TDRD7: variants seen among roughly 807,000 people sequenced by gnomAD.
TDRD7 encodes the protein tudor domain containing 7, also known as tudor domain-containing protein 7.
Under a neutral mutation model 109.8 loss-of-function variants are expected in TDRD7, and 47 were observed. The ratio of observed to expected loss-of-function variants is 0.43; its 90% CI spans 0.34 to 0.55. The LOEUF is 0.55. Among genes scored for constraint, TDRD7 ranks in the 20% least tolerant of loss-of-function variants. TDRD7 has a pLI of 0.03. For synonymous variants in TDRD7, 424 were observed against 457.3 expected (o/e 0.93, Z 0.93); for missense variants, 1,164 against 1,319.2 (o/e 0.88, Z 1.82).
chr9:97,458,111 A>AT (rs1245507762), intron 6 of TDRD7, among the ~76,000 whole-genome samples: 2 of 151,904 alleles, frequency 1.3e-5, no homozygotes, highest in Admixed American at 1.3e-4. Context: ...CATGTATCCC[A>AT]TTTTTTTTAG....
At chr9:97,454,037 C>A (rs935076963) in intron 6 of TDRD7, among the ~76,000 whole-genome samples, 1 of 152,180 alleles carries the variant, frequency 6.6e-6, no homozygotes, top group Non-Finnish European at 1.5e-5. Context: ...AGCTCTGGAT[C>A]AAGTGGACCT....
intron 1 of TDRD7, among the ~76,000 whole-genome samples, chr9:97,420,514 A>G (rs1326236295): frequency 6.6e-6 from 1 of 152,200 alleles, no homozygotes; most frequent in Non-Finnish European, 1.5e-5. Flanking sequence ...CTTTTCCAGA[A>G]TGTTCACATA....
chr9:97,427,179 A>G (rs1192468116), intron 1 of TDRD7, among the ~76,000 whole-genome samples: 1 of 152,154 alleles, frequency 6.6e-6, no homozygotes. Context: ...TTTCCAGGCT[A>G]CTTATTCTCT....
At chr9:97,430,275 T>C (rs985769088) in intron 2 of TDRD7, among the ~76,000 whole-genome samples, 3 of 152,228 alleles carry the variant, frequency 2.0e-5, no homozygotes, top group Admixed American at 6.5e-5. Flanking sequence ...GAGACCCTGC[T>C]TGCCCTGCCT....
chr9:97,494,093 G>A (rs1829352242), intron 16 of TDRD7, among the ~76,000 whole-genome samples: 1 of 152,200 alleles, frequency 6.6e-6, no homozygotes, highest in Admixed American at 6.5e-5. Flanking sequence ...ACAGGCATAG[G>A]AAATCACAAG....
chr9:97,487,304 C>A lies in TDRD7; in HGVS notation c.3048C>A (p.Pro1016=). The A allele has an allele frequency of 6.2e-7, 1 of 1,613,830 alleles. No homozygotes were observed. Among genetic ancestry groups the A allele is most frequent in the Non-Finnish European group, 8.5e-7 (1 of 1,179,806 alleles). ...TAGTGGACATGTTCCGAAAGCTGCC[C>A]TTCCAAGCAGTCACAGCTCAACTTG... is the stretch of plus-strand genomic sequence containing the variant. ...QPLVDMFRKL[P]FQAVTAQLAG... Residue 1016 remains proline, a synonymous_variant, in exon 16 of 17, where the codon CCC becomes CCA. Coordinates refer to ENST00000355295, the MANE Select transcript of TDRD7 (RefSeq NM_014290.3).
In TDRD7 at chr9:97,464,853, A is replaced by G; in HGVS notation, c.1454A>G (p.Lys485Arg). Reference protein sequence around the residue: ...TNEVVIRYVGKDYSAAQELME... With the variant: ...TNEVVIRYVGRDYSAAQELME... ...TTTAACTGATTCAGGTATGTGGGCA[A>G]AGACTATTCTGCTGCTCAGGAATTA... is the stretch of plus-strand genomic sequence containing the variant. The change falls in exon 8 of 17, where the codon AAA becomes AGA. Residue 485 changes from lysine (K) to arginine (R), a missense_variant. Lys to Arg is a conservative substitution (Grantham distance 26, BLOSUM62 2). Around this residue, in one of 5 missense-constraint regions of TDRD7, gnomAD observed 261 missense variants for 336.2 expected, o/e 0.78. Transcript: ENST00000355295. The G allele has an allele frequency of 6.2e-7, 1 of 1,614,170 alleles. No individual in the cohort carries two copies. The highest frequency in any genetic ancestry group is 8.5e-7 in the Non-Finnish European group (1 of 1,180,014).
chr9:97,478,476 A>G lies in TDRD7; in HGVS notation c.2204A>G (p.Gln735Arg), dbSNP rs1277645364. Residue 735 changes from glutamine to arginine, a missense_variant, in exon 13 of 17, where the codon CAG becomes CGG. Around this residue, in one of 5 missense-constraint regions of TDRD7, gnomAD observed 261 missense variants for 336.2 expected, o/e 0.78. Transcript: ENST00000355295. ...NVHSSRALDV[Q>R]FLDSGTVTSV... is the part of the protein sequence containing the mutation. Reference sequence around the variant, plus strand: ...CACAGCAGCCGGGCTCTTGATGTTCAGTTCCTGGACTCTGGCACTGTGACA... The same window carrying G: ...CACAGCAGCCGGGCTCTTGATGTTCGGTTCCTGGACTCTGGCACTGTGACA... 5.6e-6 allele frequency: 9 copies of G among 1,613,936 alleles called. No homozygotes were observed. The highest frequency in any genetic ancestry group is 6.8e-6 in the Non-Finnish European group (8 of 1,179,992).
intron 6 of TDRD7, among the ~76,000 whole-genome samples, chr9:97,446,017 A>G (rs1262990038): frequency 6.6e-6 from 1 of 152,108 alleles, no homozygotes; most frequent in Non-Finnish European, 1.5e-5. Flanking sequence ...TTGTAGTTCC[A>G]TCTGCTCAGG....
chr9:97,455,716 C>A (rs1828594516), intron 6 of TDRD7, among the ~76,000 whole-genome samples: 1 of 152,160 alleles, frequency 6.6e-6, no homozygotes, highest in African/African-American at 2.4e-5. Flanking sequence ...CAGCCAATAT[C>A]ATATTGAATG....
chr9:97,433,394 G>A (rs944334565), intron 4 of TDRD7, among the ~76,000 whole-genome samples: 6 of 151,916 alleles, frequency 3.9e-5, no homozygotes, highest in Admixed American at 6.6e-5. Context: ...CAAAGTGCTA[G>A]TTGAATCCAG....
At chr9:97,464,050 G>T (rs1047403030) in intron 7 of TDRD7, among the ~76,000 whole-genome samples, 1 of 152,160 alleles carries the variant, frequency 6.6e-6, no homozygotes, top group Non-Finnish European at 1.5e-5. Context: ...CCCAGCCCTA[G>T]TTAGGTTAAA....
intron 15 of TDRD7, among the ~76,000 whole-genome samples, chr9:97,486,777 A>G (rs2131181692): frequency 6.6e-6 from 1 of 152,232 alleles, no homozygotes; most frequent in Non-Finnish European, 1.5e-5. Flanking sequence ...TCGTCCAAGC[A>G]TGTACCATAT....
At chr9:97,467,062 C>A (rs1364850465) in intron 8 of TDRD7, among the ~76,000 whole-genome samples, 1 of 152,144 alleles carries the variant, frequency 6.6e-6, no homozygotes, top group Admixed American at 6.5e-5. Flanking sequence ...GGGTGTGTGC[C>A]TTTGGTCAAG....
intron 10 of TDRD7, among the ~76,000 whole-genome samples, chr9:97,472,781 A>G (rs1828945026): frequency 6.6e-6 from 1 of 152,194 alleles, no homozygotes; most frequent in African/African-American, 2.4e-5. Flanking sequence ...AAAAGAAGGG[A>G]AAATTGGGTC....
At chr9:97,449,107 C>G (rs986061432) in intron 6 of TDRD7, among the ~76,000 whole-genome samples, 1 of 152,176 alleles carries the variant, frequency 6.6e-6, no homozygotes, top group Non-Finnish European at 1.5e-5. Flanking sequence ...TCTGAACAAA[C>G]AGACTCCTGA....
rs1829151056 is a variant in TDRD7 at position 97,483,132 on chromosome 9, A to G, written c.2696A>G (p.Glu899Gly). ...GACCATACGAGCGCTTTCTCCACAGAGGAACTGCCACCTCCTGTCCACTTA... is the reference window on the plus strand; with the variant it reads ...GACCATACGAGCGCTTTCTCCACAGGGGAACTGCCACCTCCTGTCCACTTA... Reference protein sequence around the residue: ...MVDHTSAFSTEELPPPVHLSK... With the variant: ...MVDHTSAFSTGELPPPVHLSK... The change falls in exon 15 of 17, where the codon GAG becomes GGG. Residue 899 changes from glutamate to glycine, a missense_variant. Around this residue, in one of 5 missense-constraint regions of TDRD7, gnomAD observed 233 missense variants for 218.0 expected, o/e 1.07. Transcript: ENST00000355295. The G allele has an allele frequency of 6.2e-7, 1 of 1,614,070 alleles. No homozygotes were observed. Among genetic ancestry groups the G allele is most frequent in the Non-Finnish European group, 8.5e-7 (1 of 1,180,034 alleles).
intron 12 of TDRD7, among the ~76,000 whole-genome samples, chr9:97,477,717 C>G (rs1829046453): frequency 6.6e-6 from 1 of 151,960 alleles, no homozygotes; most frequent in Admixed American, 6.6e-5. Flanking sequence ...GATAGTTATA[C>G]AAATAATTGC....
At chr9:97,463,756 T>C (rs946035824) in intron 7 of TDRD7, among the ~76,000 whole-genome samples, 2 of 152,214 alleles carry the variant, frequency 1.3e-5, no homozygotes, top group Non-Finnish European at 1.5e-5. Context: ...TAGCCTGTTT[T>C]GATAACATGA....
Sources: allele counts gnomAD v4.1 joint callset (sites outside exome capture counted in the v4.1 genomes callset), GRCh38; gene constraint gnomAD v4.1.1; regional missense constraint gnomAD v4.1.1; transcripts MANE v1.5; gene names NCBI Gene and HGNC (gene_info 2026-07-23, HGNC 2026-07-21).